Variants in KAT6B observed in about 807,000 individuals in gnomAD.
KAT6B encodes the protein histone acetyltransferase KAT6B.
KAT6B carries 10 observed loss-of-function variants against 187.5 expected under a neutral mutation model. The ratio of observed to expected loss-of-function variants is 0.05; its 90% CI spans 0.03 to 0.09. The LOEUF is 0.09. Among genes scored for constraint, KAT6B ranks in the 10% least tolerant of loss-of-function variants. KAT6B has a pLI of 1.00. For synonymous variants in KAT6B, 861 were observed against 926.8 expected (o/e 0.93, Z 1.29); for missense variants, 1,952 against 2,558.9 (o/e 0.76, Z 5.12).
intron 3 of KAT6B, among the ~76,000 whole-genome samples, chr10:74,852,851 C>T (rs1026600671): frequency 6.6e-6 from 1 of 152,176 alleles, no homozygotes; most frequent in African/African-American, 2.4e-5. Flanking sequence ...TGATCAGCAG[C>T]TTTCAGGAGT....
upstream of KAT6B, among the ~76,000 whole-genome samples, chr10:74,824,959 T>C (rs1287010405): frequency 1.4e-5 from 2 of 147,510 alleles, no homozygotes; most frequent in African/African-American, 2.5e-5. Flanking sequence ...GCTCGCCAGC[T>C]CCTCGCAGGC....
intron 13 of KAT6B, among the ~76,000 whole-genome samples, chr10:74,999,188 C>T (rs916262825): frequency 1.3e-5 from 2 of 152,204 alleles, no homozygotes; most frequent in East Asian, 3.8e-4. Flanking sequence ...CTGTTCGTTC[C>T]GTAGCAGGAG....
chr10:74,866,950 T>C (rs1173816421), intron 3 of KAT6B, among the ~76,000 whole-genome samples: 1 of 152,254 alleles, frequency 6.6e-6, no homozygotes, highest in African/African-American at 2.4e-5. Flanking sequence ...GGGGAAATAC[T>C]GTATCAGGTG....
intron 16 of KAT6B, among the ~76,000 whole-genome samples, chr10:75,022,495 G>T (rs1012648626): frequency 6.6e-6 from 1 of 152,166 alleles, no homozygotes; most frequent in Non-Finnish European, 1.5e-5. Flanking sequence ...TGGTCTGCAG[G>T]AGTAGAGTAA....
chr10:74,992,004 C>T (rs960556849), intron 13 of KAT6B, among the ~76,000 whole-genome samples: 10 of 152,168 alleles, frequency 6.6e-5, no homozygotes, highest in African/African-American at 2.4e-4. Flanking sequence ...TTTTTGATCT[C>T]ATAATTTGGA....
chr10:74,843,165 G>T lies in KAT6B; in HGVS notation c.308G>T (p.Arg103Leu), dbSNP rs773931583. Residue 103 changes from arginine (R) to leucine (L), a missense_variant, in exon 3 of 18, where the codon CGC becomes CTC. Coordinates refer to ENST00000287239, the MANE Select transcript of KAT6B (RefSeq NM_012330.4). Reference protein sequence around the residue: ...KGSRGSCNDLRNVDWNKLLRR... With the variant: ...KGSRGSCNDLLNVDWNKLLRR... ...TCTAGAGGATCATGTAATGATCTCC[G>T]CAATGTGGATTGGAATAAACTTTTA... 1.2e-6 allele frequency: 2 copies of T among 1,614,040 alleles called. No individual in the cohort carries two copies. The highest frequency in any genetic ancestry group is 1.3e-5 in the African/African-American group (1 of 74,930).
Position 74,975,215 on chromosome 10 carries a change from T to C in KAT6B, c.1062-184T>C, listed in dbSNP as rs894185788. Among the ~76,000 whole-genome samples the C allele has an allele frequency of 3.3e-5, 5 of 152,200 alleles. No individual in the cohort carries two copies. In the East Asian group the frequency reaches 9.6e-4, roughly 29 times the overall value. On this transcript the variant is annotated intron_variant, in intron 7 of 17. Transcript: ENST00000287239. ...TGGTGGATGGGCCCTGGAAGAACCA[T>C]GACATGTAAATGCAGTTGCTGCTGC... is the stretch of plus-strand genomic sequence containing the variant.
chr10:74,847,242 A>G (rs1384325226), intron 3 of KAT6B, among the ~76,000 whole-genome samples: 1 of 152,266 alleles, frequency 6.6e-6, no homozygotes, highest in African/African-American at 2.4e-5. Flanking sequence ...AATGTTTTCT[A>G]GAATTTTTAC....
Position 75,030,791 on chromosome 10 carries a change from C to A in KAT6B, c.5967C>A (p.Leu1989=), listed in dbSNP as rs373882553. 5 of 1,614,112 alleles carry A rather than the reference C, an allele frequency of 3.1e-6. No individual in the cohort carries two copies. The highest frequency in any genetic ancestry group is 1.3e-5 in the African/African-American group (1 of 74,930). The change falls in exon 18 of 18, where the codon CTC becomes CTA. Residue 1989 remains leucine, a synonymous_variant. Coordinates refer to ENST00000287239, the MANE Select transcript of KAT6B (RefSeq NM_012330.4). This position sits in a 1 kb window ranked among gnomAD's most constrained non-coding sequence, Gnocchi z 4.8. Reference sequence around the variant, plus strand: ...CTGTGAACATGAACATGAACACTCTCAACGCCATGAATGGGTACAGCATGT... The same window carrying A: ...CTGTGAACATGAACATGAACACTCTAAACGCCATGAATGGGTACAGCATGT... ...VNSVNMNMNT[L]NAMNGYSMSQ... is the part of the protein sequence containing the mutation.
At chr10:74,990,628 C>T (rs1348156479) in intron 13 of KAT6B, among the ~76,000 whole-genome samples, 1 of 152,030 alleles carries the variant, frequency 6.6e-6, no homozygotes, top group African/African-American at 2.4e-5. Flanking sequence ...ACCAGTAATC[C>T]CAAGGAGGGC....
chr10:75,021,168 G>A lies in KAT6B; in HGVS notation c.2904G>A (p.Met968Ile), dbSNP rs371506108. 5 of 1,614,014 alleles carry A rather than the reference G, an allele frequency of 3.1e-6. No homozygotes were observed. Among genetic ancestry groups the A allele is most frequent in the Non-Finnish European group, 4.2e-6 (5 of 1,179,990 alleles). ...IRREKLILSH[M>I]EKLKTCSRAN... ...GGGAAAAGTTGATATTGAGCCACAT[G>A]GAAAAGCTGAAAACCTGTTCCAGAG... Residue 968 changes from methionine (M) to isoleucine (I), a missense_variant, in exon 15 of 18, where the codon ATG (methionine) becomes ATA (isoleucine). This residue lies in a region of KAT6B where 758 missense variants were observed against 891.4 expected (regional missense o/e 0.85). Transcript: ENST00000287239.
At chr10:74,899,294 G>C (rs1466927023) in intron 3 of KAT6B, among the ~76,000 whole-genome samples, 36 of 99,698 alleles carry the variant, frequency 3.6e-4, no homozygotes, top group Admixed American at 3.6e-3. Flanking sequence ...TATTATTTGA[G>C]ACGGAGTTTC....
intron 6 of KAT6B, 48 bp downstream of exon 6, chr10:74,970,149 A>G (rs1221795723): frequency 1.4e-6 from 2 of 1,438,088 alleles, no homozygotes; most frequent in Non-Finnish European, 2.0e-6. Flanking sequence ...CATATTGGTT[A>G]GCTTTGTCCT....
intron 3 of KAT6B, among the ~76,000 whole-genome samples, chr10:74,921,994 G>T (rs552803566): frequency 1.3e-5 from 2 of 152,214 alleles, no homozygotes; most frequent in Non-Finnish European, 2.9e-5. Flanking sequence ...ACAGCAGGGG[G>T]TGGAGATAAG....
intron 13 of KAT6B, among the ~76,000 whole-genome samples, chr10:75,003,694 C>T (rs773630705): frequency 3.9e-5 from 6 of 151,998 alleles, no homozygotes; most frequent in Non-Finnish European, 5.9e-5. Flanking sequence ...AAAGCTTCTG[C>T]CATTACTGTT....
chr10:74,995,571 C>A (rs1843372233), intron 13 of KAT6B, among the ~76,000 whole-genome samples: 2 of 152,066 alleles, frequency 1.3e-5, no homozygotes, highest in African/African-American at 4.8e-5. Flanking sequence ...TTTCTAATTT[C>A]TCCTCCTTTC....
chr10:74,857,451 AG>A (rs967449321), intron 3 of KAT6B, among the ~76,000 whole-genome samples: 1 of 152,168 alleles, frequency 6.6e-6, no homozygotes, highest in Non-Finnish European at 1.5e-5. Context: ...CAGCCTGGAC[AG>A]TTTTTCAGCT....
intron 3 of KAT6B, among the ~76,000 whole-genome samples, chr10:74,909,700 G>T (rs990238934): frequency 2.0e-5 from 3 of 152,086 alleles, no homozygotes; most frequent in Non-Finnish European, 4.4e-5. Context: ...CATAATTTAG[G>T]ACCTTCTTAA....
At chr10:74,936,601 GA>G (rs1411857300) in intron 3 of KAT6B, among the ~76,000 whole-genome samples, 1 of 152,038 alleles carries the variant, frequency 6.6e-6, no homozygotes, top group Non-Finnish European at 1.5e-5. Flanking sequence ...TGTTTATTTA[GA>G]AAACAAATAA....
Sources: gnomAD v4.1 joint callset for allele counts (sites outside exome capture counted in the v4.1 genomes callset) on GRCh38, gnomAD v4.1.1 for gene constraint, gnomAD v4.1.1 regional missense constraint, Gnocchi (gnomAD v3.1) non-coding constraint, MANE v1.5 for transcripts, NCBI Gene and HGNC (gene_info 2026-07-23, HGNC 2026-07-21) for gene names.